Variants in ARHGAP36 observed in about 807,000 individuals in gnomAD.
ARHGAP36 encodes the protein rho GTPase-activating protein 36.
Under a neutral mutation model 32.9 loss-of-function variants are expected in ARHGAP36, and 7 were observed. That is an observed-to-expected ratio of 0.21 (90% CI 0.12 to 0.40). The LOEUF (loss-of-function observed/expected upper bound fraction) is 0.40, where lower values mean the gene tolerates loss of function less well. Ranked by LOEUF, ARHGAP36 falls within the 10% of genes least tolerant of loss-of-function variation. The pLI, the probability that ARHGAP36 is intolerant of heterozygous loss-of-function variation, is 1.00. For missense variants in ARHGAP36, 383 were observed against 442.2 expected (o/e 0.87, Z 1.20); for synonymous variants, 165 against 168.3 (o/e 0.98, Z 0.15).
At chrX:131,084,870 T>A in intron 6 of ARHGAP36, 44 bp from the exon 7 acceptor site, 1 of 1,203,315 alleles carries the variant, frequency 8.3e-7, no homozygotes, top group Non-Finnish European at 1.1e-6. Context: ...AAGATGGAGC[T>A]GTGGTGGGCC....
chrX:131,075,919 T>C (rs777952859), intron 1 of ARHGAP36, among the ~76,000 whole-genome samples: 2 of 111,600 alleles, frequency 1.8e-5, no homozygotes, highest in South Asian at 7.6e-4. Context: ...CAACTTTAGA[T>C]AAGTCACAGC....
At chrX:131,076,685 G>A (rs1022720700) in intron 1 of ARHGAP36, among the ~76,000 whole-genome samples, 14 of 111,866 alleles carry the variant, frequency 1.3e-4, no homozygotes, top group African/African-American at 3.9e-4. Context: ...TCAATGGCAA[G>A]AGCCCTGAGA....
At chrX:131,063,708 TCCACCACCACCACC>T (rs72286776) in intron 1 of ARHGAP36, among the ~76,000 whole-genome samples, 3,949 of 109,121 alleles carry the variant, frequency 0.036, 173 homozygotes, top group African/African-American at 0.12. Context: ...TGGGATTATA[TCCACCACCACCACC>T]CCTCCCCCGC....
At chrX:131,082,126 G>A (rs2079804373) in intron 2 of ARHGAP36, among the ~76,000 whole-genome samples, 1 of 111,813 alleles carries the variant, frequency 8.9e-6, no homozygotes, top group Non-Finnish European at 1.9e-5. Context: ...AGTTGAGTTT[G>A]GTCGAAGGCT....
intron 6 of ARHGAP36, 23 bp from the exon 7 acceptor site, chrX:131,084,891 T>A (rs1198856199): frequency 1.7e-6 from 2 of 1,207,390 alleles, no homozygotes; most frequent in Admixed American, 4.4e-5. Context: ...AGGCAGACAG[T>A]CCCTGTCTTC....
chrX:131,061,018 G>A (rs775101122), intron 1 of ARHGAP36, among the ~76,000 whole-genome samples: 2 of 111,515 alleles, frequency 1.8e-5, no homozygotes, highest in South Asian at 7.7e-4. Flanking sequence ...AGGAGTCAGA[G>A]ATGGGGTTGG....
chrX:131,082,214 C>A (rs6529455), intron 2 of ARHGAP36, among the ~76,000 whole-genome samples: 27,159 of 111,461 alleles, frequency 0.24, 3,410 homozygotes, highest in African/African-American at 0.43. Flanking sequence ...GAAGAGACAG[C>A]CGCAGCAGGT....
At chrX:131,084,559 G>C in intron 5 of ARHGAP36, 67 bp from the exon 6 acceptor site, 2 of 1,178,417 alleles carry the variant, frequency 1.7e-6, no homozygotes, top group Non-Finnish European at 1.2e-6. Context: ...AGGGGGTGAG[G>C]GGAGAAGAGA....
intron 1 of ARHGAP36, among the ~76,000 whole-genome samples, chrX:131,070,424 G>GATAGAACGTCTATATTCATATGCACAAA (rs2079727738): frequency 1.8e-5 from 2 of 111,874 alleles, no homozygotes; most frequent in African/African-American, 6.5e-5. Flanking sequence ...GGGACTGAGT[G>GATAGAACGTCTATATTCATATGCACAAA]ATAGAACGTC....
chrX:131,088,554 T>C (rs2079848299), intron 11 of ARHGAP36, 74 bp from the exon 12 acceptor site: 2 of 1,072,202 alleles, frequency 1.9e-6, no homozygotes, highest in South Asian at 4.1e-5. Context: ...CAAAATTAGG[T>C]CTTAGTGCCT....
chrX:131,068,112 C>T (rs1420045169), intron 1 of ARHGAP36, among the ~76,000 whole-genome samples: 2 of 111,852 alleles, frequency 1.8e-5, no homozygotes, highest in African/African-American at 3.3e-5. Flanking sequence ...CAAACACATG[C>T]TGCATGTCAA....
At chrX:131,087,968 A>G (rs1212413592) in intron 11 of ARHGAP36, among the ~76,000 whole-genome samples, 2 of 112,328 alleles carry the variant, frequency 1.8e-5, no homozygotes, top group African/African-American at 6.5e-5. Context: ...TGATGTCTCC[A>G]TTCTCAATAC....
chrX:131,087,197 A>G (rs897487447), intron 11 of ARHGAP36, among the ~76,000 whole-genome samples: 5 of 111,567 alleles, frequency 4.5e-5, no homozygotes, highest in Non-Finnish European at 9.4e-5. Flanking sequence ...GTAATCCCAA[A>G]CAATGAAATC....
chrX:131,081,586 C>G lies in ARHGAP36; in HGVS notation c.-80C>G. ...CCGCCTCCCAGTTTTCCCTCCCCCT[C>G]TACCCCCACCCCCATAGTTCTCTCC... On this transcript the variant is annotated 5_prime_UTR_variant, in exon 2 of 12. Transcript: ENST00000276211. The G allele has an allele frequency of 3.1e-6, 3 of 962,345 alleles. No individual in the cohort carries two copies. Among genetic ancestry groups the G allele is most frequent in the South Asian group, 4.7e-5 (2 of 42,766 alleles). The allele number at this position is 962,345 out of a possible 1,213,427, so 79.3% of individuals were successfully genotyped here.
Position 131,086,421 on chromosome X carries a change from G to C in ARHGAP36, c.1374G>C (p.Lys458Asn). Reference protein sequence around the residue: ...LDFIRRRNLRKIQSARIKMEE... With the variant: ...LDFIRRRNLRNIQSARIKMEE... ...TTATCAGACGCAGGAACTTGAGGAA[G>C]ATCCAGTGAGTGTTTTTTGGGTTTG... Residue 458 changes from lysine (K) to asparagine (N), a missense_variant, in exon 10 of 12, where the codon AAG becomes AAC. Lys to Asn is a moderately conservative substitution (Grantham distance 94). This residue lies in a region of ARHGAP36 where 227 missense variants were observed against 311.3 expected (regional missense o/e 0.73). Transcript: ENST00000276211. 1 of 1,211,764 alleles carries C rather than the reference G, an allele frequency of 8.3e-7. No homozygotes were observed. The highest frequency in any genetic ancestry group is 1.1e-6 in the Non-Finnish European group (1 of 895,370).
At position 131,080,353 on chromosome X, in the gene ARHGAP36, A is replaced by G. The variant is rs986035437; in HGVS notation, c.-142-1171A>G. Reference sequence around the variant, plus strand: ...GGTCTAACATCACAAGGTTTTGTAAATTGTTGCTAACTTGTGTATCTCCTT... The same window carrying G: ...GGTCTAACATCACAAGGTTTTGTAAGTTGTTGCTAACTTGTGTATCTCCTT... On this transcript the variant is annotated intron_variant, in intron 1 of 11. Transcript: ENST00000276211. 2.7e-5 allele frequency among the ~76,000 whole-genome samples: 3 copies of G among 109,504 alleles called. No homozygotes were observed. In the East Asian group the frequency reaches 8.5e-4, roughly 31 times the overall value.
At position 131,083,180 on chromosome X, in the gene ARHGAP36, G is replaced by T. The variant is rs755218408; in HGVS notation, c.269G>T (p.Arg90Leu). ...CTTTCTGTAGCTCTGCCTATTGACC[G>T]TCCGAACACCTTGGATAAGTGGTTT... ...FKPDRALPID[R>L]PNTLDKWFLI... Residue 90 changes from arginine to leucine, a missense_variant, in exon 3 of 12, where the codon CGT (arginine) becomes CTT (leucine). Arg to Leu is a moderately radical substitution (Grantham distance 102). Coordinates refer to ENST00000276211, the MANE Select transcript of ARHGAP36 (RefSeq NM_144967.4). 2.5e-6 allele frequency: 3 copies of T among 1,210,840 alleles called. No individual in the cohort carries two copies. Among genetic ancestry groups the T allele is most frequent in the Middle Eastern group, 2.3e-4 (1 of 4,350 alleles).
At chrX:131,083,312 G>A (rs534314383) in intron 3 of ARHGAP36, 82 bp downstream of exon 3, 2 of 984,150 alleles carry the variant, frequency 2.0e-6, no homozygotes, top group South Asian at 2.3e-5. Flanking sequence ...ATTGGAGACT[G>A]GGTGGCGTCC....
Position 131,081,844 on chromosome X carries a change from G to A in ARHGAP36, c.179G>A (p.Arg60His). The change falls in exon 2 of 12, where the codon CGT becomes CAT. Residue 60 changes from arginine to histidine, a missense_variant. Around this residue, in one of 2 missense-constraint regions of ARHGAP36, gnomAD observed 156 missense variants for 131.0 expected, o/e 1.19. Transcript: ENST00000276211. ...ATACACAGCCTCTCTGAGCTGGAGCGTCTGAAGCTGCAAGAGACTGCTTAC... is the reference window on the plus strand; with the variant it reads ...ATACACAGCCTCTCTGAGCTGGAGCATCTGAAGCTGCAAGAGACTGCTTAC... ...VSIHSLSELE[R>H]LKLQETAYHE... 1 of 1,212,012 alleles carries A rather than the reference G, an allele frequency of 8.3e-7. No individual in the cohort carries two copies. Among genetic ancestry groups the A allele is most frequent in the Non-Finnish European group, 1.1e-6 (1 of 895,620 alleles).
Sources: allele counts gnomAD v4.1 joint callset (sites outside exome capture counted in the v4.1 genomes callset), GRCh38; gene constraint gnomAD v4.1.1; regional missense constraint gnomAD v4.1.1; transcripts MANE v1.5; gene names NCBI Gene and HGNC (gene_info 2026-07-23, HGNC 2026-07-21).